Variants in ESRRB observed in about 807,000 individuals in gnomAD.
ESRRB encodes steroid hormone receptor ERR2.
A neutral mutation model predicts 46.0 loss-of-function variants in ESRRB; 16 were observed. That is an observed-to-expected ratio of 0.35 (90% CI 0.24 to 0.53). The LOEUF is 0.53. Among genes scored for constraint, ESRRB ranks in the 20% least tolerant of loss-of-function variants. The pLI, the probability that ESRRB is intolerant of heterozygous loss-of-function variation, is 0.93. For missense variants in ESRRB, 488 were observed against 607.4 expected, an observed-to-expected ratio of 0.80 and a Z score of 2.07; for synonymous variants, 246 against 259.6, an observed-to-expected ratio of 0.95 and a Z score of 0.50.
chr14:76,372,225 A>C (rs1266080923), upstream of ESRRB, among the ~76,000 whole-genome samples: 1 of 152,150 alleles, frequency 6.6e-6, no homozygotes, highest in Non-Finnish European at 1.5e-5. Flanking sequence ...TGACATACTC[A>C]GTGCTTTTTG....
At chr14:76,384,209 G>A (rs1426758744) in intron 1 of ESRRB, among the ~76,000 whole-genome samples, 2 of 152,090 alleles carry the variant, frequency 1.3e-5, no homozygotes, top group Admixed American at 6.6e-5. Context: ...TGTTGACATT[G>A]TCTACCTAAG....
intron 2 of ESRRB, among the ~76,000 whole-genome samples, chr14:76,445,030 G>A (rs1312896294): frequency 6.6e-6 from 1 of 151,872 alleles, no homozygotes; most frequent in Non-Finnish European, 1.5e-5. Context: ...AAATTAGCTG[G>A]GTATGGTGGC....
chr14:76,320,367 T>C (rs546625543), intron 1 of ESRRB, among the ~76,000 whole-genome samples: 4 of 152,334 alleles, frequency 2.6e-5, no homozygotes, highest in Middle Eastern at 3.4e-3. Context: ...TCATCTCTTT[T>C]GGCCTCTGTT....
intron 1 of ESRRB, among the ~76,000 whole-genome samples, chr14:76,330,498 C>T (rs551403816): frequency 4.6e-5 from 7 of 152,344 alleles, no homozygotes; most frequent in African/African-American, 1.2e-4. Flanking sequence ...CCATCATGGC[C>T]GCTGGCCCTG....
chr14:76,451,377 A>G (rs564512662), intron 2 of ESRRB, among the ~76,000 whole-genome samples: 1 of 152,298 alleles, frequency 6.6e-6, no homozygotes, highest in South Asian at 2.1e-4. Context: ...TCCTGCCCCT[A>G]CAGTGTTATT....
chr14:76,377,963 C>T (rs1275522120), intron 1 of ESRRB, among the ~76,000 whole-genome samples: 3 of 147,330 alleles, frequency 2.0e-5, no homozygotes, highest in Non-Finnish European at 4.5e-5. Context: ...TAATGGATTC[C>T]GATTTCCATC....
chr14:76,319,712 C>T (rs189994173), intron 1 of ESRRB, among the ~76,000 whole-genome samples: 4 of 152,270 alleles, frequency 2.6e-5, no homozygotes, highest in African/African-American at 9.6e-5. Flanking sequence ...CAAGTTCAAA[C>T]TTTACTCTTG....
At chr14:76,374,108 G>T (rs754723084), upstream of ESRRB, among the ~76,000 whole-genome samples, 1 of 152,046 alleles carries the variant, frequency 6.6e-6, no homozygotes, top group Non-Finnish European at 1.5e-5. Context: ...GCAGGCTGTG[G>T]CACCCCACTC....
intron 1 of ESRRB, among the ~76,000 whole-genome samples, chr14:76,358,656 C>T (rs1379313533): frequency 6.6e-6 from 1 of 152,144 alleles, no homozygotes; most frequent in African/African-American, 2.4e-5. Flanking sequence ...TGGTGATCAC[C>T]TTGCGTTCAC....
Position 76,500,482 on chromosome 14 carries a change from G to A in ESRRB, c.*2024G>A, listed in dbSNP as rs1271949241. Reference sequence around the variant, plus strand: ...AGCTACAAACCAAGTCTAGCACAGTGTTTAGAGGCTCTGCCCTGAGGTTCT... The same window carrying A: ...AGCTACAAACCAAGTCTAGCACAGTATTTAGAGGCTCTGCCCTGAGGTTCT... On this transcript the variant is annotated 3_prime_UTR_variant, in exon 7 of 7. Transcript: ENST00000644823. The A allele has an allele frequency of 1.6e-6, 1 of 618,648 alleles. No homozygotes were observed. The highest frequency in any genetic ancestry group is 2.9e-6 in the Non-Finnish European group (1 of 345,706). 38.3% of individuals were successfully genotyped at this position (618,648 alleles called of 1,614,324 possible).
At chr14:76,381,207 G>A (rs1244339795) in intron 1 of ESRRB, among the ~76,000 whole-genome samples, 3 of 152,160 alleles carry the variant, frequency 2.0e-5, no homozygotes, top group Non-Finnish European at 4.4e-5. Flanking sequence ...CCTGCGCGGG[G>A]AGGTTGTGGT....
At chr14:76,473,133 G>A (rs964282766) in intron 3 of ESRRB, among the ~76,000 whole-genome samples, 5 of 152,142 alleles carry the variant, frequency 3.3e-5, no homozygotes, top group African/African-American at 9.7e-5. Flanking sequence ...TCCCTGTGAC[G>A]TTTCTTGGAT....
chr14:76,334,987 A>C (rs1290193076), intron 1 of ESRRB, among the ~76,000 whole-genome samples: 1 of 152,114 alleles, frequency 6.6e-6, no homozygotes, highest in Non-Finnish European at 1.5e-5. Flanking sequence ...TCTATCAGGC[A>C]TGTGGGTGTA....
chr14:76,439,598 G>T lies in ESRRB; in HGVS notation c.308G>T (p.Gly103Val). 6.2e-7 allele frequency: 1 copy of T among 1,614,212 alleles called. No homozygotes were observed. Among genetic ancestry groups the T allele is most frequent in the South Asian group, 1.1e-5 (1 of 91,090 alleles). ...CRKSYEDCAS[G>V]IMEDSAIKCE... ...AAGAGCTACGAGGACTGTGCCAGCG[G>T]CATCATGGAGGACTCGGCCATCAAG... Residue 103 changes from glycine (G) to valine (V), a missense_variant, in exon 2 of 7, where the codon GGC becomes GTC. Physicochemically the swap from Gly to Val is moderately radical, Grantham distance 109. Transcript: ENST00000644823.
chr14:76,372,229 C>T (rs1480896717), upstream of ESRRB, among the ~76,000 whole-genome samples: 1 of 152,250 alleles, frequency 6.6e-6, no homozygotes, highest in East Asian at 1.9e-4. Flanking sequence ...ATACTCAGTG[C>T]TTTTTGTACC....
At chr14:76,316,769 C>T (rs1028378704) in intron 1 of ESRRB, among the ~76,000 whole-genome samples, 2 of 152,084 alleles carry the variant, frequency 1.3e-5, no homozygotes, top group Non-Finnish European at 2.9e-5. Flanking sequence ...TGAGATGAGT[C>T]TTTTATCATA....
At chr14:76,468,396 C>T (rs1011442541) in intron 3 of ESRRB, among the ~76,000 whole-genome samples, 1 of 111,846 alleles carries the variant, frequency 8.9e-6, no homozygotes, top group African/African-American at 3.5e-5. Context: ...CACTGCCCCC[C>T]CCCCAACACC....
chr14:76,402,989 C>G (rs925129889), intron 1 of ESRRB, among the ~76,000 whole-genome samples: 1 of 152,086 alleles, frequency 6.6e-6, no homozygotes, highest in African/African-American at 2.4e-5. Context: ...CAGGGTCTCC[C>G]CATATTGGCC....
At chr14:76,481,479 C>T (rs1889802644) in intron 3 of ESRRB, among the ~76,000 whole-genome samples, 2 of 152,318 alleles carry the variant, frequency 1.3e-5, no homozygotes, top group South Asian at 4.1e-4. Flanking sequence ...GCATTCCCAT[C>T]CCCTGGGGAC....
Sources: allele counts gnomAD v4.1 joint callset (sites outside exome capture counted in the v4.1 genomes callset), GRCh38; gene constraint gnomAD v4.1.1; transcripts MANE v1.5; gene names NCBI Gene and HGNC (gene_info 2026-07-23, HGNC 2026-07-21).